The following CPEB3 variants were observed in gnomAD, a reference collection of about 807,000 sequenced individuals.
CPEB3 encodes the protein cytoplasmic polyadenylation element binding protein 3, also known as cytoplasmic polyadenylation element-binding protein 3.
Under a neutral mutation model 67.2 loss-of-function variants are expected in CPEB3, and 20 were observed. The ratio of observed to expected loss-of-function variants is 0.30; its 90% confidence interval spans 0.21 to 0.43. The LOEUF (loss-of-function observed/expected upper bound fraction) is 0.43. CPEB3 is among the 20% of genes least tolerant of loss of function. The pLI is 1.00. For missense variants in CPEB3, 746 were observed against 968.6 expected (o/e 0.77, Z 3.05); for synonymous variants, 376 against 393.1 (o/e 0.96, Z 0.51).
At chr10:92,171,292 T>C (rs1326107215) in intron 4 of CPEB3, among the ~76,000 whole-genome samples, 4 of 152,126 alleles carry the variant, frequency 2.6e-5, no homozygotes, top group Admixed American at 6.5e-5. Flanking sequence ...CAGGGAACAA[T>C]AAAAGCAGAC....
chr10:92,178,855 C>T (rs963338176), intron 4 of CPEB3, among the ~76,000 whole-genome samples: 6 of 152,070 alleles, frequency 3.9e-5, no homozygotes, highest in Admixed American at 2.6e-4. Flanking sequence ...CAAGTACCTA[C>T]TATGGAGGAT....
chr10:92,266,678 T>C (rs146803033), intron 1 of CPEB3, among the ~76,000 whole-genome samples: 7 of 150,732 alleles, frequency 4.6e-5, no homozygotes, highest in African/African-American at 1.5e-4. Flanking sequence ...ATCAGATGGG[T>C]ATAAAAGCGC....
chr10:92,177,142 A>G (rs1250581522), intron 4 of CPEB3, among the ~76,000 whole-genome samples: 1 of 152,240 alleles, frequency 6.6e-6, no homozygotes, highest in Non-Finnish European at 1.5e-5. Flanking sequence ...AACTACTACC[A>G]CATATGTAGC....
chr10:92,150,138 G>A (rs529440213), intron 4 of CPEB3, among the ~76,000 whole-genome samples: 3 of 152,272 alleles, frequency 2.0e-5, no homozygotes, highest in African/African-American at 4.8e-5. Flanking sequence ...AGCGCAGACC[G>A]ACAGGCGATA....
chr10:92,129,211 G>A (rs1249894199), intron 6 of CPEB3, among the ~76,000 whole-genome samples: 1 of 152,166 alleles, frequency 6.6e-6, no homozygotes, highest in African/African-American at 2.4e-5. Context: ...GGAGCTGGAG[G>A]CTATTATCCT....
intron 1 of CPEB3, among the ~76,000 whole-genome samples, chr10:92,276,559 G>T (rs1161742457): frequency 6.6e-6 from 1 of 151,848 alleles, no homozygotes; most frequent in South Asian, 2.1e-4. Context: ...AATTACAGGC[G>T]TGAGCCACCA....
At chr10:92,099,415 G>A (rs1424617727) in intron 7 of CPEB3, among the ~76,000 whole-genome samples, 2 of 151,898 alleles carry the variant, frequency 1.3e-5, no homozygotes, top group Non-Finnish European at 2.9e-5. Flanking sequence ...GCCTCCCAAA[G>A]TGCTAGGATT....
At chr10:92,183,521 T>G (rs1047171173) in intron 3 of CPEB3, among the ~76,000 whole-genome samples, 1 of 152,190 alleles carries the variant, frequency 6.6e-6, no homozygotes, top group Non-Finnish European at 1.5e-5. Flanking sequence ...ATCAAGACCT[T>G]ATTTGGATTC....
intron 9 of CPEB3, among the ~76,000 whole-genome samples, chr10:92,062,880 C>T (rs1281082228): frequency 1.3e-5 from 2 of 152,210 alleles, no homozygotes; most frequent in Non-Finnish European, 2.9e-5. Context: ...TTAAGCTGAA[C>T]CTCTGTTTCA....
chr10:92,266,705 G>T (rs1414198554), intron 1 of CPEB3, among the ~76,000 whole-genome samples: 6 of 152,072 alleles, frequency 3.9e-5, no homozygotes, highest in Admixed American at 2.0e-4. Context: ...GAACAAAAGG[G>T]TGATGTGACT....
At chr10:92,169,525 A>G (rs1847909050) in intron 4 of CPEB3, among the ~76,000 whole-genome samples, 6 of 152,212 alleles carry the variant, frequency 3.9e-5, no homozygotes, top group Admixed American at 3.9e-4. Flanking sequence ...TATTAAAGCA[A>G]GGCTGTTCAA....
intron 2 of CPEB3, among the ~76,000 whole-genome samples, chr10:92,203,476 A>ATACG (rs1849626862): frequency 6.8e-6 from 1 of 146,620 alleles, no homozygotes. Context: ...ATGTGTATAT[A>ATACG]TATGTGTGTA....
chr10:92,053,821 G>A (rs1269154067), intron 9 of CPEB3, among the ~76,000 whole-genome samples: 29 of 152,214 alleles, frequency 1.9e-4, no homozygotes, highest in African/African-American at 6.5e-4. Context: ...GATTACAGGC[G>A]TGAGCCACCA....
At chr10:92,243,008 TGTTTTTTGTTTTTTTGG>T (rs1851912971) in intron 1 of CPEB3, among the ~76,000 whole-genome samples, 1 of 152,178 alleles carries the variant, frequency 6.6e-6, no homozygotes, top group Non-Finnish European at 1.5e-5. Flanking sequence ...TTCTTGGGGT[TGTTTTTTGTTTTTTTGG>T]GTTTTTTGTT....
intron 1 of CPEB3, among the ~76,000 whole-genome samples, chr10:92,284,829 C>T (rs1416596936): frequency 2.0e-5 from 3 of 152,164 alleles, no homozygotes; most frequent in South Asian, 4.1e-4. Context: ...CCTAGCTTAG[C>T]GCCTGTCACA....
chr10:92,239,426 C>T lies in CPEB3; in HGVS notation c.925G>A (p.Ala309Thr). Residue 309 changes from alanine (A) to threonine (T), a missense_variant, in exon 2 of 10, where the codon GCG (alanine) becomes ACG (threonine). Physicochemically the swap from Ala to Thr is moderately conservative, Grantham distance 58. Around this residue, in one of 2 missense-constraint regions of CPEB3, gnomAD observed 643 missense variants for 717.5 expected, o/e 0.90. Coordinates refer to ENST00000265997, the MANE Select transcript of CPEB3 (RefSeq NM_014912.5). The surrounding 1 kb of genome is among the most constrained non-coding windows in gnomAD (Gnocchi z 6.0). ...NVIAPPKFPR[A>T]APLTSKSWME... Reference sequence around the variant, plus strand: ...CAGGACTTGGAAGTGAGAGGGGCCGCGCGAGGGAACTTGGGCGGCGCGATC... The same window carrying T: ...CAGGACTTGGAAGTGAGAGGGGCCGTGCGAGGGAACTTGGGCGGCGCGATC... 6.2e-7 allele frequency: 1 copy of T among 1,602,742 alleles called. No individual in the cohort carries two copies. Among genetic ancestry groups the T allele is most frequent in the Non-Finnish European group, 8.5e-7 (1 of 1,174,492 alleles).
intron 2 of CPEB3, among the ~76,000 whole-genome samples, chr10:92,197,492 A>G (rs150232705): frequency 2.6e-5 from 4 of 152,330 alleles, no homozygotes; most frequent in African/African-American, 9.6e-5. Context: ...TTTTTTTATA[A>G]GTTTTGTTTC....
At chr10:92,176,487 T>A (rs764313691) in intron 4 of CPEB3, among the ~76,000 whole-genome samples, 1 of 152,260 alleles carries the variant, frequency 6.6e-6, no homozygotes, top group Non-Finnish European at 1.5e-5. Context: ...CATTGCTGCA[T>A]CTTCAAGTTT....
intron 4 of CPEB3, among the ~76,000 whole-genome samples, chr10:92,169,737 C>G (rs544835112): frequency 5.9e-5 from 9 of 152,354 alleles, no homozygotes; most frequent in Admixed American, 5.9e-4. Context: ...CAGACCCCAG[C>G]CTAATCCCAC....
Sources: allele counts gnomAD v4.1 joint callset (sites outside exome capture counted in the v4.1 genomes callset), GRCh38; gene constraint gnomAD v4.1.1; regional missense constraint gnomAD v4.1.1; non-coding constraint Gnocchi (gnomAD v3.1); transcripts MANE v1.5; gene names NCBI Gene and HGNC (gene_info 2026-07-23, HGNC 2026-07-21).